The following EYS variants were observed in gnomAD, a reference collection of about 807,000 sequenced individuals.
The protein encoded by EYS is protein eyes shut homolog.
EYS carries 250 observed loss-of-function variants against 282.1 expected under a neutral mutation model. The observed-to-expected ratio is 0.89, with a 90% CI of 0.80 to 0.98. The LOEUF is 0.98. Ranked by LOEUF, EYS falls within the 50% of genes least tolerant of loss-of-function variation. The pLI is 0.00. For missense variants in EYS, 4,016 were observed against 3,709.0 expected (o/e 1.08, Z -2.15); for synonymous variants, 1,355 against 1,282.9 (o/e 1.06, Z -1.20).
chr6:64,036,233 G>GA (rs1039883627), intron 33 of EYS, among the ~76,000 whole-genome samples: 5 of 151,102 alleles, frequency 3.3e-5, no homozygotes, highest in Admixed American at 6.6e-5. Flanking sequence ...AAGTATAATA[G>GA]AAAAAAAAAG....
chr6:63,742,606 T>C (rs1203163893), intron 41 of EYS, among the ~76,000 whole-genome samples: 1 of 152,172 alleles, frequency 6.6e-6, no homozygotes, highest in Admixed American at 6.6e-5. Context: ...AATAATGCTC[T>C]TCAAGAAAAC....
intron 19 of EYS, among the ~76,000 whole-genome samples, chr6:64,843,222 GAGGGAAATGTGGGGTTGGACCCCCCACAC>G (rs1562221197): frequency 6.6e-6 from 1 of 152,152 alleles, no homozygotes; most frequent in Non-Finnish European, 1.5e-5. Context: ...GGCATTGTGG[GAGGGAAATGTGGGGTTGGACCCCCCACAC>G]AGAACCCATA....
At chr6:63,814,153 C>T (rs562783935) in intron 36 of EYS, among the ~76,000 whole-genome samples, 15 of 152,274 alleles carry the variant, frequency 9.9e-5, no homozygotes, top group African/African-American at 3.6e-4. Context: ...TGAACAAACT[C>T]CTTGAGGAAT....
chr6:64,653,574 CT>C (rs1463626676), intron 22 of EYS, among the ~76,000 whole-genome samples: 1 of 151,750 alleles, frequency 6.6e-6, no homozygotes, highest in African/African-American at 2.4e-5. Flanking sequence ...AATTGTCTTT[CT>C]TTTCATTTTT....
At chr6:65,294,532 T>C (rs1184021770) in intron 12 of EYS, among the ~76,000 whole-genome samples, 1 of 151,892 alleles carries the variant, frequency 6.6e-6, no homozygotes, top group Non-Finnish European at 1.5e-5. Context: ...TAAAACTATA[T>C]AGTTTATACA....
At chr6:64,011,003 T>A (rs1361154250) in intron 33 of EYS, among the ~76,000 whole-genome samples, 1 of 152,034 alleles carries the variant, frequency 6.6e-6, no homozygotes, top group East Asian at 1.9e-4. Context: ...ATTTTATTTA[T>A]CTTTATAAAC....
In EYS at chr6:63,721,098, T is replaced by C; in HGVS notation, c.8933A>G (p.Gln2978Arg). The change falls in exon 43 of 43, where the codon CAG (glutamine) becomes CGG (arginine). Residue 2978 changes from glutamine to arginine, a missense_variant. Physicochemically the swap from Gln to Arg is conservative, Grantham distance 43 (BLOSUM62 1). Transcript: ENST00000503581. Reference sequence around the variant, plus strand: ...GAAATTTAAGGATATAGTAGTGAACTGGAGGTTTCTCATTCTATAATTTGG... The same window carrying C: ...GAAATTTAAGGATATAGTAGTGAACCGGAGGTTTCTCATTCTATAATTTGG... ...IDPNYRMRNLQFTTISLNFST... is the reference protein window; with the variant it reads ...IDPNYRMRNLRFTTISLNFST... The C allele has an allele frequency of 1.3e-6, 2 of 1,551,438 alleles. No individual in the cohort carries two copies. The highest frequency in any genetic ancestry group is 1.7e-6 in the Non-Finnish European group (2 of 1,146,766).
In EYS at chr6:64,800,557, C is replaced by T. The variant is rs139839031; in HGVS notation, c.3443+12821G>A. ...AGAGAGTTTAATCTAATTTTTTTTT[C>T]CAAAGGAAGCTTTTTTTTTTTTTAA... On this transcript the variant is annotated intron_variant, in intron 22 of 42. Transcript: ENST00000503581. Among the ~76,000 whole-genome samples the T allele has an allele frequency of 1.4e-4, 18 of 129,628 alleles. No homozygotes were observed. In the East Asian group the frequency reaches 3.7e-3, roughly 27 times the overall value. 85.0% of individuals were successfully genotyped at this position (129,628 alleles called of 152,430 possible).
At chr6:64,403,127 A>T (rs1166522667) in intron 28 of EYS, among the ~76,000 whole-genome samples, 2 of 152,140 alleles carry the variant, frequency 1.3e-5, no homozygotes, top group Admixed American at 1.3e-4. Flanking sequence ...TATCGTTATC[A>T]TTATAAGCAA....
intron 31 of EYS, among the ~76,000 whole-genome samples, chr6:64,112,775 G>A (rs952657748): frequency 6.9e-6 from 1 of 144,428 alleles, no homozygotes; most frequent in South Asian, 2.1e-4. Context: ...TATATATCTA[G>A]AATAATATAT....
intron 22 of EYS, among the ~76,000 whole-genome samples, chr6:64,765,947 C>A (rs980509155): frequency 2.6e-5 from 4 of 152,028 alleles, no homozygotes; most frequent in African/African-American, 2.4e-5. Flanking sequence ...TAGTACCATA[C>A]CTTCAGCTTT....
intron 26 of EYS, among the ~76,000 whole-genome samples, chr6:64,447,637 A>T (rs373017578): frequency 6.6e-6 from 1 of 152,238 alleles, no homozygotes. Context: ...TGCCAAAAAA[A>T]GTTTACAAAA....
chr6:64,627,681 G>A (rs1050089855), intron 22 of EYS, among the ~76,000 whole-genome samples: 1 of 152,164 alleles, frequency 6.6e-6, no homozygotes, highest in Non-Finnish European at 1.5e-5. Flanking sequence ...GGGTCTGCCC[G>A]GCTGAAGCTA....
chr6:63,879,652 TC>T (rs1404552713), intron 35 of EYS, among the ~76,000 whole-genome samples: 1 of 152,234 alleles, frequency 6.6e-6, no homozygotes, highest in East Asian at 1.9e-4. Context: ...AAATATCTGT[TC>T]ATCCTGGGGA....
intron 12 of EYS, among the ~76,000 whole-genome samples, chr6:65,118,885 A>G (rs1775452370): frequency 6.6e-6 from 1 of 152,048 alleles, no homozygotes; most frequent in Admixed American, 6.5e-5. Context: ...AAGGAAAAAA[A>G]AAAAAAGAAA....
intron 32 of EYS, among the ~76,000 whole-genome samples, chr6:64,070,572 A>G (rs1326686831): frequency 6.6e-6 from 1 of 152,074 alleles, no homozygotes; most frequent in East Asian, 1.9e-4. Context: ...CTGAATAACC[A>G]TACATTATCT....
intron 26 of EYS, among the ~76,000 whole-genome samples, chr6:64,542,226 T>C (rs1221012241): frequency 6.6e-6 from 1 of 152,264 alleles, no homozygotes; most frequent in East Asian, 1.9e-4. Context: ...TTTTAATTTA[T>C]ATTATATTAA....
chr6:63,850,329 C>G (rs989507274), intron 36 of EYS, among the ~76,000 whole-genome samples: 14 of 151,874 alleles, frequency 9.2e-5, no homozygotes, highest in African/African-American at 2.9e-4. Context: ...ACAGAGAACA[C>G]CAATAAGATA....
At chr6:64,467,729 C>T (rs905877843) in intron 26 of EYS, among the ~76,000 whole-genome samples, 4 of 152,118 alleles carry the variant, frequency 2.6e-5, no homozygotes, top group African/African-American at 9.7e-5. Context: ...GCTCTGCACA[C>T]TGCTACCAGT....
Sources: allele counts gnomAD v4.1 joint callset (sites outside exome capture counted in the v4.1 genomes callset), GRCh38; gene constraint gnomAD v4.1.1; transcripts MANE v1.5; gene names NCBI Gene and HGNC (gene_info 2026-07-23, HGNC 2026-07-21).